Variants in RICTOR observed in about 807,000 individuals in gnomAD.
The protein encoded by RICTOR is RPTOR independent companion of MTOR complex 2.
Under a neutral mutation model 214.9 loss-of-function variants are expected in RICTOR, and 49 were observed. The observed-to-expected ratio is 0.23, with a 90% confidence interval of 0.18 to 0.29. The LOEUF (loss-of-function observed/expected upper bound fraction) is 0.29. Among genes scored for constraint, RICTOR ranks in the 10% least tolerant of loss-of-function variants. The pLI is 1.00. For missense variants in RICTOR, 1,625 were observed against 2,047.0 expected, an observed-to-expected ratio of 0.79 and a Z score of 3.98; for synonymous variants, 717 against 711.3, an observed-to-expected ratio of 1.01 and a Z score of -0.13.
intron 2 of RICTOR, among the ~76,000 whole-genome samples, chr5:39,055,407 C>G (rs914774161): frequency 1.2e-4 from 16 of 139,068 alleles, no homozygotes; most frequent in Non-Finnish European, 1.5e-4. Flanking sequence ...GAGAAGCTTT[C>G]TCTGACAATT....
At chr5:39,005,767 T>C (rs776778232) in intron 3 of RICTOR, among the ~76,000 whole-genome samples, 11 of 152,214 alleles carry the variant, frequency 7.2e-5, no homozygotes, top group Non-Finnish European at 1.5e-4. Flanking sequence ...TTCAGCCTTC[T>C]TTCTGTTAAA....
chr5:38,971,764 T>C, intron 11 of RICTOR, 113 bp downstream of exon 11: 1 of 626,388 alleles, frequency 1.6e-6, no homozygotes, highest in East Asian at 2.9e-5. Context: ...AAAAATATGA[T>C]CTAGATTAAC....
At chr5:38,945,197 C>G (rs1748056651) in intron 34 of RICTOR, 129 bp from the exon 35 acceptor site, 2 of 722,408 alleles carry the variant, frequency 2.8e-6, no homozygotes, top group Non-Finnish European at 2.2e-6. Flanking sequence ...CCAAACACTT[C>G]CAAAACTTTT....
intron 2 of RICTOR, among the ~76,000 whole-genome samples, chr5:39,021,712 G>T (rs758968343): frequency 5.3e-5 from 8 of 151,754 alleles, no homozygotes; most frequent in African/African-American, 1.7e-4. Context: ...AAGGCCCCTC[G>T]ACCTCAGACT....
At chr5:38,942,452 AT>A (rs200385182) in intron 37 of RICTOR, 74 bp from the exon 38 acceptor site, 44,004 of 551,566 alleles carry the variant, frequency 0.08, 1 homozygote, top group East Asian at 0.11. Flanking sequence ...TAAATATCTA[AT>A]TTTTTTTTTT....
At position 38,939,451 on chromosome 5, in the gene RICTOR, A is replaced by G. The variant is rs930141433; in HGVS notation, c.*2853T>C. ...GAAAAAATTTAATTAGGGAGAACAG[A>G]CTGTTTCCCCCTTCCAATCTACCTA... On this transcript the variant is annotated 3_prime_UTR_variant, in exon 38 of 38. Transcript: ENST00000357387. The G allele has an allele frequency of 9.0e-5, 21 of 232,212 alleles. No individual in the cohort carries two copies. Among genetic ancestry groups the G allele is most frequent in the Middle Eastern group, 2.5e-3 (2 of 800 alleles). 14.4% of individuals were successfully genotyped at this position (232,212 alleles called of 1,614,324 possible). A position where few individuals can be genotyped will look rare whatever the true frequency, so the allele number is the denominator to read the frequency against.
At position 38,959,239 on chromosome 5, in the gene RICTOR, A is replaced by G; in HGVS notation, c.2134T>C (p.Leu712=). 2 of 1,604,902 alleles carry G rather than the reference A, an allele frequency of 1.2e-6. No homozygotes were observed. The highest frequency in any genetic ancestry group is 1.7e-6 in the Non-Finnish European group (2 of 1,174,940). ...VSSLDYSRDG[L]ARVILSKILT... is the part of the protein sequence containing the mutation. ...ATTTTGGAAAGGATGACTCTAGCCA[A>G]TCCATCTCTGCTATAGTCCAAGCTA... The change falls in exon 22 of 38, where the codon TTG becomes CTG. Residue 712 remains leucine, a synonymous_variant. Coordinates refer to ENST00000357387, the MANE Select transcript of RICTOR (RefSeq NM_152756.5).
intron 34 of RICTOR, 43 bp downstream of exon 34, chr5:38,945,448 A>G (rs2112812517): frequency 7.7e-7 from 1 of 1,299,806 alleles, no homozygotes; most frequent in Non-Finnish European, 1.1e-6. Context: ...AGAGAACTTT[A>G]GTCATCACTA....
At chr5:39,038,456 G>C (rs1389676201) in intron 2 of RICTOR, among the ~76,000 whole-genome samples, 1 of 152,134 alleles carries the variant, frequency 6.6e-6, no homozygotes, top group Non-Finnish European at 1.5e-5. Context: ...CATAGTGTTG[G>C]AAGTTCTGGC....
intron 28 of RICTOR, 68 bp downstream of exon 28, chr5:38,953,393 G>A: frequency 1.5e-6 from 1 of 650,222 alleles, no homozygotes; most frequent in South Asian, 2.6e-5. Context: ...TATCTATTTA[G>A]TATAAATGAA....
At chr5:38,957,808 T>TA (rs1749406340) in intron 24 of RICTOR, 78 bp from the exon 25 acceptor site, 7 of 764,874 alleles carry the variant, frequency 9.2e-6, no homozygotes, top group Non-Finnish European at 1.5e-5. Flanking sequence ...AACTAAAATT[T>TA]AAAAAAGTAT....
intron 2 of RICTOR, among the ~76,000 whole-genome samples, chr5:39,034,066 A>G (rs1756473248): frequency 6.6e-6 from 1 of 152,096 alleles, no homozygotes; most frequent in Non-Finnish European, 1.5e-5. Flanking sequence ...TTAACGGAAG[A>G]AAAAAAAGTC....
chr5:39,011,872 G>A (rs558092074), intron 3 of RICTOR, among the ~76,000 whole-genome samples: 4 of 152,156 alleles, frequency 2.6e-5, no homozygotes, highest in African/African-American at 9.7e-5. Flanking sequence ...AGGCGGAAGG[G>A]ACTTGCCTTG....
chr5:38,956,397 C>T (rs1749269176), intron 25 of RICTOR, among the ~76,000 whole-genome samples: 1 of 152,064 alleles, frequency 6.6e-6, no homozygotes, highest in African/African-American at 2.4e-5. Flanking sequence ...TACAATCTAG[C>T]TTTAATTTAC....
At chr5:38,974,651 T>C (rs573314866) in intron 10 of RICTOR, among the ~76,000 whole-genome samples, 6 of 152,086 alleles carry the variant, frequency 3.9e-5, no homozygotes, top group Admixed American at 1.3e-4. Context: ...TGAGTCATCA[T>C]AGAATCCTAT....
intron 25 of RICTOR, among the ~76,000 whole-genome samples, chr5:38,956,657 G>A (rs1291074333): frequency 1.3e-5 from 2 of 151,934 alleles, no homozygotes; most frequent in African/African-American, 4.8e-5. Flanking sequence ...TCTCCTCTGT[G>A]TTCCCTTATA....
intron 10 of RICTOR, among the ~76,000 whole-genome samples, 176 bp downstream of exon 10, chr5:38,975,361 C>G (rs1292718156): frequency 6.6e-6 from 1 of 152,084 alleles, no homozygotes; most frequent in East Asian, 1.9e-4. Context: ...TTGACTATTA[C>G]AAATTTCCTT....
intron 2 of RICTOR, among the ~76,000 whole-genome samples, chr5:39,036,345 C>A (rs1756691487): frequency 6.6e-6 from 1 of 152,174 alleles, no homozygotes; most frequent in Admixed American, 6.5e-5. Context: ...ACAACGGGTA[C>A]CAGCCACTGC....
Position 39,000,354 on chromosome 5 carries a change from A to C in RICTOR, c.392+2181T>G, listed in dbSNP as rs1327789965. Among the ~76,000 whole-genome samples, 10 of 152,086 alleles carry C rather than the reference A, an allele frequency of 6.6e-5. No individual in the cohort carries two copies. In the East Asian group the frequency reaches 1.5e-3, roughly 23 times the overall value. ...CTCCCAATACTAAAACCAGACAAAG[A>C]CTTTAGATGAATGGAAAAATAATGG... On this transcript the variant is annotated intron_variant, in intron 5 of 37. Coordinates refer to ENST00000357387, the MANE Select transcript of RICTOR (RefSeq NM_152756.5).
Sources: allele counts gnomAD v4.1 joint callset (sites outside exome capture counted in the v4.1 genomes callset), GRCh38; gene constraint gnomAD v4.1.1; transcripts MANE v1.5; gene names NCBI Gene and HGNC (gene_info 2026-07-23, HGNC 2026-07-21).